The following PRICKLE2 variants were observed in gnomAD, a reference collection of about 807,000 sequenced individuals.
PRICKLE2 encodes the protein prickle-like protein 2.
In PRICKLE2, 21 loss-of-function variants were observed where a neutral mutation model predicts 81.4. The observed-to-expected ratio is 0.26, with a 90% CI of 0.18 to 0.37. The LOEUF is 0.37. Ranked by LOEUF, PRICKLE2 falls within the 10% of genes least tolerant of loss-of-function variation. PRICKLE2 has a pLI of 1.00. For synonymous variants in PRICKLE2, 456 were observed against 421.5 expected (o/e 1.08, Z -1.00); for missense variants, 940 against 1,109.0 (o/e 0.85, Z 2.16).
chr3:64,186,807 A>G (rs906783204), intron 2 of PRICKLE2, among the ~76,000 whole-genome samples: 3 of 152,242 alleles, frequency 2.0e-5, no homozygotes, highest in Non-Finnish European at 4.4e-5. Context: ...CAATCATCCC[A>G]TGAAATTACT....
At chr3:64,256,942 T>C (rs2079532596) in intron 2 of PRICKLE2, among the ~76,000 whole-genome samples, 1 of 152,246 alleles carries the variant, frequency 6.6e-6, no homozygotes, top group African/African-American at 2.4e-5. Context: ...TAATTTCATT[T>C]AAATTTTTCT....
rs770824127 is a variant in PRICKLE2 at position 64,147,738 on chromosome 3, C to T, written c.788-36G>A. 8 of 1,611,720 alleles carry T rather than the reference C, an allele frequency of 5.0e-6. No homozygotes were observed. In the Admixed American group the frequency reaches 1.3e-4, roughly 27 times the overall value. On this transcript the variant is annotated intron_variant, in intron 6 of 7. Coordinates refer to ENST00000638394, the MANE Select transcript of PRICKLE2 (RefSeq NM_198859.4). This position sits in a 1 kb window ranked among gnomAD's most constrained non-coding sequence, Gnocchi z 5.0. ...GAGAGACATTGGAGAGGCTGATGAG[C>T]TGCTCAGAGCTCTGCACTGGGACGT...
chr3:64,267,736 C>T (rs141672939), intron 2 of PRICKLE2, among the ~76,000 whole-genome samples: 2,214 of 152,288 alleles, frequency 0.015, 53 homozygotes, highest in African/African-American at 0.048. Context: ...CAGGTCCCCA[C>T]CGCGGGGCTC....
chr3:64,202,959 T>C (rs1225868790), intron 1 of PRICKLE2, among the ~76,000 whole-genome samples: 2 of 152,212 alleles, frequency 1.3e-5, no homozygotes, highest in East Asian at 3.8e-4. Flanking sequence ...AGTTTGTTGT[T>C]TTTACCACAA....
chr3:64,254,871 C>T (rs576853173), intron 2 of PRICKLE2, among the ~76,000 whole-genome samples: 1 of 152,232 alleles, frequency 6.6e-6, no homozygotes, highest in South Asian at 2.1e-4. Context: ...GTTGTATGGT[C>T]TTAGGCATGT....
chr3:64,247,264 T>C (rs1005752415), intron 2 of PRICKLE2, among the ~76,000 whole-genome samples: 3 of 152,190 alleles, frequency 2.0e-5, no homozygotes, highest in African/African-American at 7.2e-5. Flanking sequence ...AAAATATACT[T>C]TGATAATAGC....
Position 64,159,960 on chromosome 3 carries a change from T to C in PRICKLE2, c.376A>G (p.Thr126Ala). Reference protein sequence around the residue: ...GNVRPFPVTMTGAICEQCGGQ... With the variant: ...GNVRPFPVTMAGAICEQCGGQ... ...CTTACCTGTTCACAAATAGCTCCTG[T>C]CATGGTGACTGGGAAAGGCCTGACA... Residue 126 changes from threonine to alanine, a missense_variant, in exon 4 of 8, where the codon ACA (threonine) becomes GCA (alanine). Coordinates refer to ENST00000638394, the MANE Select transcript of PRICKLE2 (RefSeq NM_198859.4). 1.2e-6 allele frequency: 2 copies of C among 1,614,164 alleles called. No homozygotes were observed. The highest frequency in any genetic ancestry group is 1.1e-5 in the South Asian group (1 of 91,078).
intron 7 of PRICKLE2, among the ~76,000 whole-genome samples, chr3:64,106,593 C>T (rs1447538749): frequency 1.3e-5 from 2 of 152,192 alleles, no homozygotes; most frequent in African/African-American, 4.8e-5. Flanking sequence ...TGGGATTCCT[C>T]CTCTACACAG....
intron 7 of PRICKLE2, among the ~76,000 whole-genome samples, chr3:64,117,602 T>C (rs555111901): frequency 6.6e-6 from 1 of 152,040 alleles, no homozygotes. Context: ...CCATTCACAA[T>C]TGCCACAAAA....
chr3:64,197,419 G>A (rs2078476367), intron 2 of PRICKLE2, among the ~76,000 whole-genome samples: 1 of 152,020 alleles, frequency 6.6e-6, no homozygotes, highest in Non-Finnish European at 1.5e-5. Flanking sequence ...CATGACCTTT[G>A]CCCACTTTTT....
At chr3:64,150,116 G>A (rs1206568599) in intron 6 of PRICKLE2, among the ~76,000 whole-genome samples, 3 of 151,960 alleles carry the variant, frequency 2.0e-5, no homozygotes, top group Non-Finnish European at 4.4e-5. Context: ...AGACCCTTGG[G>A]AGAAAGCTGA....
chr3:64,258,517 A>T (rs1483532358), intron 2 of PRICKLE2, among the ~76,000 whole-genome samples: 3 of 152,122 alleles, frequency 2.0e-5, no homozygotes, highest in Admixed American at 2.0e-4. Context: ...AACTGATACA[A>T]TCTATGATGT....
intron 1 of PRICKLE2, among the ~76,000 whole-genome samples, chr3:64,222,062 C>A (rs548494876): frequency 2.2e-4 from 33 of 152,282 alleles, no homozygotes; most frequent in African/African-American, 7.2e-4. Flanking sequence ...GTTCACAGAT[C>A]GGGATTAACT....
At chr3:64,241,604 T>C (rs747152902) in intron 2 of PRICKLE2, among the ~76,000 whole-genome samples, 1 of 152,216 alleles carries the variant, frequency 6.6e-6, no homozygotes, top group Non-Finnish European at 1.5e-5. Context: ...CACCATGGTA[T>C]GAAGCCTGGT....
Position 64,166,614 on chromosome 3 carries a change from A to G in PRICKLE2, c.145-3485T>C, listed in dbSNP as rs541849958. 2.0e-4 allele frequency among the ~76,000 whole-genome samples: 30 copies of G among 152,340 alleles called. No homozygotes were observed. In the South Asian group the frequency reaches 6.0e-3, roughly 30 times the overall value. Reference sequence around the variant, plus strand: ...CAAAATTATTCCAGTAATTCCTCAAATATACAATATGCTAGAATATCTTCT... The same window carrying G: ...CAAAATTATTCCAGTAATTCCTCAAGTATACAATATGCTAGAATATCTTCT... On this transcript the variant is annotated intron_variant, in intron 2 of 7. Transcript: ENST00000638394.
In PRICKLE2 at chr3:64,147,731, T is replaced by C. The variant is rs2077480791; in HGVS notation, c.788-29A>G. On this transcript the variant is annotated intron_variant, in intron 6 of 7. Coordinates refer to ENST00000638394, the MANE Select transcript of PRICKLE2 (RefSeq NM_198859.4). The surrounding 1 kb of genome is among the most constrained non-coding windows in gnomAD (Gnocchi z 5.0). ...AAAAAATGAGAGACATTGGAGAGGC[T>C]GATGAGCTGCTCAGAGCTCTGCACT... 6.2e-7 allele frequency: 1 copy of C among 1,612,776 alleles called. No homozygotes were observed. The highest frequency in any genetic ancestry group is 1.7e-5 in the Admixed American group (1 of 60,004).
At chr3:64,186,233 C>T (rs570379257) in intron 2 of PRICKLE2, among the ~76,000 whole-genome samples, 1 of 152,158 alleles carries the variant, frequency 6.6e-6, no homozygotes, top group African/African-American at 2.4e-5. Flanking sequence ...AAACTAAGAG[C>T]AGCCACTTTA....
intron 2 of PRICKLE2, among the ~76,000 whole-genome samples, chr3:64,172,015 G>T (rs2077940410): frequency 6.6e-6 from 1 of 152,116 alleles, no homozygotes; most frequent in Non-Finnish European, 1.5e-5. Context: ...CACATGAGTT[G>T]CTTTGCTCCT....
intron 2 of PRICKLE2, among the ~76,000 whole-genome samples, chr3:64,235,617 G>A (rs1312023753): frequency 6.6e-6 from 1 of 152,208 alleles, no homozygotes; most frequent in East Asian, 1.9e-4. Context: ...CCCTGGCAGT[G>A]TGCAGCTTCT....
Sources: allele counts gnomAD v4.1 joint callset (sites outside exome capture counted in the v4.1 genomes callset), GRCh38; gene constraint gnomAD v4.1.1; non-coding constraint Gnocchi (gnomAD v3.1); transcripts MANE v1.5; gene names NCBI Gene and HGNC (gene_info 2026-07-23, HGNC 2026-07-21).